The following SORCS2 variants were observed in gnomAD, a reference collection of about 807,000 sequenced individuals.
SORCS2 encodes the protein sortilin related VPS10 domain containing receptor 2, also known as VPS10 domain-containing receptor SorCS2.
Under a neutral mutation model 141.6 loss-of-function variants are expected in SORCS2, and 100 were observed. The ratio of observed to expected loss-of-function variants is 0.71; its 90% CI spans 0.60 to 0.83. The LOEUF (loss-of-function observed/expected upper bound fraction) is 0.83. Ranked by LOEUF, SORCS2 falls within the 40% of genes least tolerant of loss-of-function variation. SORCS2 has a pLI of 0.00. For missense variants in SORCS2, 1,646 were observed against 1,560.2 expected, an observed-to-expected ratio of 1.05 and a Z score of -0.93; for synonymous variants, 789 against 676.9, an observed-to-expected ratio of 1.17 and a Z score of -2.57.
chr4:7,550,096 G>GT (rs59288057), intron 3 of SORCS2, among the ~76,000 whole-genome samples: 140,895 of 146,086 alleles, frequency 0.96, 68,120 homozygotes, highest in Non-Finnish European at 1. Context: ...GGGAGCTGGT[G>GT]TTTTTTTTTT....
intron 12 of SORCS2, among the ~76,000 whole-genome samples, chr4:7,702,858 G>A (rs913883280): frequency 1.3e-5 from 2 of 152,256 alleles, no homozygotes; most frequent in African/African-American, 4.8e-5. Flanking sequence ...ATCAGGGAGG[G>A]CTTCCTGGAG....
At position 7,726,772 on chromosome 4, in the gene SORCS2, C is replaced by T; in HGVS notation, c.2746-8C>T. ...GCCAGGCCCCTAAGCCCTGCTGTGC[C>T]CCTGCAGCCCCTCCTTTCCCTGGAT... On this transcript the variant is annotated splice_polypyrimidine_tract_variant and splice_region_variant and intron_variant, in intron 20 of 26. Coordinates refer to ENST00000507866, the MANE Select transcript of SORCS2 (RefSeq NM_020777.3). 6.2e-7 allele frequency: 1 copy of T among 1,612,870 alleles called. No homozygotes were observed. The highest frequency in any genetic ancestry group is 1.1e-5 in the South Asian group (1 of 91,016).
At chr4:7,654,348 C>A in intron 5 of SORCS2, 141 bp downstream of exon 5, 1 of 811,344 alleles carries the variant, frequency 1.2e-6, no homozygotes, top group Non-Finnish European at 2.0e-6. Flanking sequence ...CCCCACCGTC[C>A]ACTGCCTCTG....
rs188764494 is a variant in SORCS2 at position 7,527,407 on chromosome 4, C to T, written c.549-4123C>T. ...CAGAGGGACGTGAGACTGTGGTAGT[C>T]GGCGCTGTGACGGGAGGCTGTGACG... On this transcript the variant is annotated intron_variant, in intron 2 of 26. Coordinates refer to ENST00000507866, the MANE Select transcript of SORCS2 (RefSeq NM_020777.3). 8.0e-4 allele frequency among the ~76,000 whole-genome samples: 122 copies of T among 152,296 alleles called. 1 individual carries two copies. In the Middle Eastern group the frequency reaches 0.02, roughly 25 times the overall value.
chr4:7,304,246 G>A (rs530366357), intron 1 of SORCS2, among the ~76,000 whole-genome samples: 2 of 152,298 alleles, frequency 1.3e-5, no homozygotes, highest in South Asian at 4.1e-4. Context: ...GAGACGATGA[G>A]GAATAACAAA....
At chr4:7,543,619 CCCATCCATCCACCCATCCGT>C (rs2109596718) in intron 3 of SORCS2, among the ~76,000 whole-genome samples, 1 of 124,076 alleles carries the variant, frequency 8.1e-6, no homozygotes, top group East Asian at 2.7e-4. Context: ...CGTCCATCCA[CCCATCCATCCACCCATCCGT>C]CCATCCGTCC....
chr4:7,363,226 CCAT>C (rs1296300025), intron 1 of SORCS2, among the ~76,000 whole-genome samples: 3 of 151,076 alleles, frequency 2.0e-5, no homozygotes, highest in South Asian at 2.1e-4. Flanking sequence ...ACCATTACTA[CCAT>C]CATCACCACC....
chr4:7,408,396 T>TTC (rs71175403), intron 2 of SORCS2, among the ~76,000 whole-genome samples: 9 of 151,976 alleles, frequency 5.9e-5, no homozygotes, highest in South Asian at 2.1e-4. Context: ...GTTTTTTTTT[T>TTC]CTTTTAGCAC....
At chr4:7,535,198 G>A (rs892410628) in intron 3 of SORCS2, among the ~76,000 whole-genome samples, 3 of 152,178 alleles carry the variant, frequency 2.0e-5, no homozygotes, top group African/African-American at 7.2e-5. Context: ...CTCTCCGGAA[G>A]GCCATGATCC....
At chr4:7,567,556 C>G (rs1232883038) in intron 3 of SORCS2, among the ~76,000 whole-genome samples, 2 of 152,192 alleles carry the variant, frequency 1.3e-5, no homozygotes, top group South Asian at 2.1e-4. Flanking sequence ...TCGCATCACA[C>G]CAAGGCCACA....
At chr4:7,515,898 C>G (rs78731583) in intron 2 of SORCS2, among the ~76,000 whole-genome samples, 5,418 of 152,206 alleles carry the variant, frequency 0.036, 306 homozygotes, top group African/African-American at 0.12. Context: ...CGTGTCACCT[C>G]GAGCAAGTGA....
chr4:7,509,205 C>T (rs542545409), intron 2 of SORCS2, among the ~76,000 whole-genome samples: 12 of 152,302 alleles, frequency 7.9e-5, no homozygotes, highest in African/African-American at 2.6e-4. Flanking sequence ...TTCGCTGCCC[C>T]CCCAGAGCAA....
chr4:7,723,579 T>C, intron 18 of SORCS2, 118 bp from the exon 19 acceptor site: 1 of 1,180,834 alleles, frequency 8.5e-7, no homozygotes, highest in Non-Finnish European at 1.2e-6. Context: ...CCCACTCATG[T>C]CAAGGAAGGG....
At chr4:7,543,711 C>CTCAT (rs1712934458) in intron 3 of SORCS2, among the ~76,000 whole-genome samples, 1 of 2,976 alleles carries the variant, frequency 3.4e-4, no homozygotes, top group Non-Finnish European at 1.1e-3. Context: ...CATCCATCCA[C>CTCAT]CCATCCACCC....
chr4:7,510,996 G>A (rs1056476454), intron 2 of SORCS2, among the ~76,000 whole-genome samples: 2 of 152,214 alleles, frequency 1.3e-5, no homozygotes, highest in Non-Finnish European at 2.9e-5. Context: ...CTTTCCCTGT[G>A]GTGGGGAAGA....
intron 4 of SORCS2, among the ~76,000 whole-genome samples, chr4:7,640,293 T>A (rs934157058): frequency 2.0e-5 from 3 of 148,114 alleles, no homozygotes; most frequent in Non-Finnish European, 4.4e-5. Flanking sequence ...TGTGAGCATG[T>A]GAGTCTACAT....
intron 2 of SORCS2, among the ~76,000 whole-genome samples, chr4:7,494,026 CACACACAG>C (rs976629563): frequency 2.1e-4 from 29 of 139,968 alleles, no homozygotes; most frequent in South Asian, 6.6e-4. Flanking sequence ...CATTCACACA[CACACACAG>C]ACACACACAC....
intron 25 of SORCS2, among the ~76,000 whole-genome samples, chr4:7,736,568 G>A (rs1712193086): frequency 6.6e-6 from 1 of 152,180 alleles, no homozygotes; most frequent in Admixed American, 6.5e-5. Flanking sequence ...CCCAGTGGAG[G>A]CAGCGGGGCT....
At position 7,688,398 on chromosome 4, in the gene SORCS2, G is replaced by A. The variant is rs558918835; in HGVS notation, c.1489-1088G>A. ...AGTTCTAGCGTACTTCTAAGCTGGA[G>A]ATTTTTAACAGAAAAAAGTAATTTT... is the stretch of plus-strand genomic sequence containing the variant. On this transcript the variant is annotated intron_variant, in intron 10 of 26. Coordinates refer to ENST00000507866, the MANE Select transcript of SORCS2 (RefSeq NM_020777.3). 2.6e-5 allele frequency among the ~76,000 whole-genome samples: 4 copies of A among 152,302 alleles called. No individual in the cohort carries two copies. In the South Asian group the frequency reaches 6.2e-4, roughly 24 times the overall value.
Sources: gnomAD v4.1 joint callset for allele counts (sites outside exome capture counted in the v4.1 genomes callset) on GRCh38, gnomAD v4.1.1 for gene constraint, MANE v1.5 for transcripts, NCBI Gene and HGNC (gene_info 2026-07-23, HGNC 2026-07-21) for gene names.